The following RAPGEF4 variants were observed in gnomAD, a reference collection of about 807,000 sequenced individuals.
The protein encoded by RAPGEF4 is RAP guanine-nucleotide-exchange factor (GEF) 4.
In RAPGEF4, 66 loss-of-function variants were observed where a neutral mutation model predicts 147.9. The observed-to-expected ratio is 0.45, with a 90% CI of 0.37 to 0.55. The LOEUF (loss-of-function observed/expected upper bound fraction) is 0.55, where lower values mean the gene tolerates loss of function less well. Ranked by LOEUF, RAPGEF4 falls within the 20% of genes least tolerant of loss-of-function variation. RAPGEF4 has a pLI of 0.00. For synonymous variants in RAPGEF4, 419 were observed against 442.7 expected (o/e 0.95, Z 0.67); for missense variants, 1,071 against 1,257.3 (o/e 0.85, Z 2.24).
chr2:173,013,765 G>A (rs1695245197), intron 17 of RAPGEF4, among the ~76,000 whole-genome samples: 1 of 152,152 alleles, frequency 6.6e-6, no homozygotes, highest in African/African-American at 2.4e-5. Context: ...ATCATCCCAA[G>A]CCTCAAGGTG....
At chr2:172,920,624 G>A (rs1471460243) in intron 5 of RAPGEF4, among the ~76,000 whole-genome samples, 1 of 152,108 alleles carries the variant, frequency 6.6e-6, no homozygotes, top group Non-Finnish European at 1.5e-5. Flanking sequence ...TAGCCCAACT[G>A]TCAAGTTCCT....
chr2:173,047,536 T>C (rs1224698435), intron 29 of RAPGEF4, among the ~76,000 whole-genome samples: 1 of 152,168 alleles, frequency 6.6e-6, no homozygotes, highest in African/African-American at 2.4e-5. Flanking sequence ...ACTATATGAA[T>C]TCAAATCTTT....
intron 25 of RAPGEF4, among the ~76,000 whole-genome samples, chr2:173,027,909 T>C (rs1041476750): frequency 6.6e-6 from 1 of 152,244 alleles, no homozygotes; most frequent in Non-Finnish European, 1.5e-5. Flanking sequence ...TCCATGTTTT[T>C]GGTATCACCA....
In RAPGEF4 at chr2:172,918,987, A is replaced by G. The variant is rs553639361; in HGVS notation, c.517+1113A>G. 5.9e-5 allele frequency among the ~76,000 whole-genome samples: 9 copies of G among 152,200 alleles called. No individual in the cohort carries two copies. In the East Asian group the frequency reaches 7.7e-4, roughly 13 times the overall value. On this transcript the variant is annotated intron_variant, in intron 5 of 30. Transcript: ENST00000397081. Reference sequence around the variant, plus strand: ...TTCCTCCCCGCATTTCACTATTTCTATGCAGCCTCTGCCCTGTCTCCCCAT... The same window carrying G: ...TTCCTCCCCGCATTTCACTATTTCTGTGCAGCCTCTGCCCTGTCTCCCCAT...
intron 14 of RAPGEF4, 55 bp downstream of exon 14, chr2:172,988,894 A>G: frequency 6.4e-7 from 1 of 1,552,740 alleles, no homozygotes; most frequent in Non-Finnish European, 8.8e-7. Context: ...CTTTAACTAA[A>G]TAAGCAAAGC....
At chr2:172,938,889 A>G (rs148940755) in intron 6 of RAPGEF4, among the ~76,000 whole-genome samples, 15 of 152,294 alleles carry the variant, frequency 9.8e-5, no homozygotes, top group Non-Finnish European at 1.9e-4. Context: ...TACTCTCGAT[A>G]AAGTTTTGCC....
intron 4 of RAPGEF4, among the ~76,000 whole-genome samples, chr2:172,889,192 A>G (rs1345816639): frequency 6.6e-6 from 1 of 152,168 alleles, no homozygotes; most frequent in African/African-American, 2.4e-5. Flanking sequence ...ATGTTTTAAG[A>G]GTGTGGCACT....
At chr2:172,861,916 A>C (rs1694091738) in intron 4 of RAPGEF4, among the ~76,000 whole-genome samples, 1 of 152,244 alleles carries the variant, frequency 6.6e-6, no homozygotes, top group Non-Finnish European at 1.5e-5. Flanking sequence ...CTTGTTTGCC[A>C]AAATGATGCA....
chr2:172,816,524 G>A (rs1688521941), intron 4 of RAPGEF4, among the ~76,000 whole-genome samples: 2 of 152,166 alleles, frequency 1.3e-5, no homozygotes, highest in Admixed American at 6.5e-5. Context: ...CTCTGTTGAT[G>A]CTACGTTTGA....
intron 30 of RAPGEF4, among the ~76,000 whole-genome samples, chr2:173,050,945 T>C (rs1686155821): frequency 6.6e-6 from 1 of 152,192 alleles, no homozygotes; most frequent in Non-Finnish European, 1.5e-5. Context: ...CATTCAGCCC[T>C]GATCTTCATT....
chr2:173,032,237 G>T (rs950238896), intron 26 of RAPGEF4, among the ~76,000 whole-genome samples: 2 of 152,098 alleles, frequency 1.3e-5, no homozygotes, highest in African/African-American at 4.8e-5. Context: ...AGCATCCCTG[G>T]CCTCTCCCCA....
intron 6 of RAPGEF4, among the ~76,000 whole-genome samples, chr2:172,941,209 G>A (rs769377829): frequency 9.2e-5 from 14 of 151,944 alleles, no homozygotes; most frequent in Admixed American, 4.6e-4. Flanking sequence ...CTCTTGTCTC[G>A]TTGCACAAGG....
intron 27 of RAPGEF4, 40 bp downstream of exon 27, chr2:173,034,004 A>G (rs767590660): frequency 5.2e-6 from 8 of 1,548,816 alleles, no homozygotes; most frequent in Middle Eastern, 1.7e-4. Flanking sequence ...CACTGTCTAC[A>G]TTAATCCAAT....
chr2:172,785,944 T>TCCAC (rs1418537960), intron 1 of RAPGEF4, among the ~76,000 whole-genome samples: 2 of 152,146 alleles, frequency 1.3e-5, no homozygotes, highest in Non-Finnish European at 2.9e-5. Flanking sequence ...GTGGGCACTC[T>TCCAC]CCACGGTAAA....
chr2:173,036,796 G>A (rs1055066856), intron 29 of RAPGEF4, 104 bp downstream of exon 29: 1 of 725,272 alleles, frequency 1.4e-6, no homozygotes, highest in Non-Finnish European at 2.2e-6. Context: ...CTGCTAAAAA[G>A]GTAGTTACAC....
rs2105508399 is a variant in RAPGEF4, at chr2:172,967,316, T to C, written c.876T>C (p.Asp292=). The change falls in exon 10 of 31, where the codon GAT becomes GAC. Residue 292 remains aspartate, a synonymous_variant. Coordinates refer to ENST00000397081, the MANE Select transcript of RAPGEF4 (RefSeq NM_007023.4). ...ATTTATTCTATCGATTTCTGGATGATGAGCACGAGGATGCCCCTTTGCCTA... is the reference window on the plus strand; with the variant it reads ...ATTTATTCTATCGATTTCTGGATGACGAGCACGAGGATGCCCCTTTGCCTA... ...DKYLFYRFLD[D]EHEDAPLPTE... is the part of the protein sequence containing the mutation. The C allele has an allele frequency of 6.2e-7, 1 of 1,612,344 alleles. No individual in the cohort carries two copies. The highest frequency in any genetic ancestry group is 8.5e-7 in the Non-Finnish European group (1 of 1,179,734).
At chr2:173,049,506 A>T (rs574640089) in intron 30 of RAPGEF4, among the ~76,000 whole-genome samples, 1 of 152,354 alleles carries the variant, frequency 6.6e-6, no homozygotes, top group South Asian at 2.1e-4. Flanking sequence ...TGAGGCTACC[A>T]GTACCGTCTC....
intron 10 of RAPGEF4, among the ~76,000 whole-genome samples, chr2:172,971,998 T>C (rs1690539806): frequency 6.6e-6 from 1 of 151,872 alleles, no homozygotes; most frequent in African/African-American, 2.4e-5. Context: ...GTGAGATATA[T>C]TGGCTTCATA....
intron 4 of RAPGEF4, among the ~76,000 whole-genome samples, chr2:172,820,894 C>CT (rs997588324): frequency 4.8e-4 from 73 of 152,024 alleles, no homozygotes; most frequent in African/African-American, 1.6e-3. Context: ...CATTTACTGA[C>CT]TTTTTTTTAG....
Sources: gnomAD v4.1 joint callset for allele counts (sites outside exome capture counted in the v4.1 genomes callset) on GRCh38, gnomAD v4.1.1 for gene constraint, MANE v1.5 for transcripts, NCBI Gene and HGNC (gene_info 2026-07-23, HGNC 2026-07-21) for gene names.